The following LDB1 variants were observed in gnomAD, a reference collection of about 807,000 sequenced individuals.
LDB1 encodes LIM domain binding 1.
Under a neutral mutation model 49.7 loss-of-function variants are expected in LDB1, and 6 were observed. The ratio of observed to expected loss-of-function variants is 0.12; its 90% confidence interval spans 0.07 to 0.24. LDB1 has a LOEUF of 0.24. Ranked by LOEUF, LDB1 falls within the 10% of genes least tolerant of loss-of-function variation. LDB1 has a pLI of 1.00. For synonymous variants in LDB1, 233 were observed against 202.0 expected, an observed-to-expected ratio of 1.15 and a Z score of -1.30; for missense variants, 341 against 561.7, an observed-to-expected ratio of 0.61 and a Z score of 3.97.
Position 102,109,902 on chromosome 10 carries a change from G to T in LDB1, c.648+19C>A. 6.2e-7 allele frequency: 1 copy of T among 1,604,586 alleles called. No homozygotes were observed. ...CGCCTGCCTTCACTCTTGCATCCTG[G>T]GTCCTGCCCACGACTCACATGCATG... is the stretch of plus-strand genomic sequence containing the variant. On this transcript the variant is annotated intron_variant, in intron 7 of 10. Coordinates refer to ENST00000673968, the MANE Select transcript of LDB1 (RefSeq NM_001113407.3). The surrounding 1 kb of genome is among the most constrained non-coding windows in gnomAD (Gnocchi z 5.8).
intron 1 of LDB1, among the ~76,000 whole-genome samples, chr10:102,115,819 A>C (rs2068329293): frequency 6.6e-6 from 1 of 152,010 alleles, no homozygotes. Flanking sequence ...TTTTTTCCTA[A>C]GGTAATTTTG....
Position 102,106,541 on chromosome 10 carries a change from C to CAAAAAAAAAAAAAAAAAAAA in LDB1, c.*1532_*1551dup, listed in dbSNP as rs558516308. On this transcript the variant is annotated 3_prime_UTR_variant, in exon 11 of 11. Transcript: ENST00000673968. ...GGTACCATACATGACTCAAATGGCC[C>CAAAAAAAAAAAAAAAAAAAA]AAAAAAAAAAAAAAAAAAAAAAAAA... is the stretch of plus-strand genomic sequence containing the variant. Among the ~76,000 whole-genome samples the CAAAAAAAAAAAAAAAAAAAA allele has an allele frequency of 5.6e-5, 1 of 17,784 alleles. No individual in the cohort carries two copies. 11.7% of individuals were successfully genotyped at this position (17,784 alleles called of 152,430 possible). A position where few individuals can be genotyped will look rare whatever the true frequency, so the allele number is the denominator to read the frequency against.
intron 6 of LDB1, 28 bp downstream of exon 6, chr10:102,110,501 G>C: frequency 6.3e-7 from 1 of 1,595,862 alleles, no homozygotes; most frequent in Non-Finnish European, 8.5e-7. Flanking sequence ...AGGTGCCATG[G>C]TGTTCCACAT....
chr10:102,106,031 C>T (rs1319114771), downstream of LDB1, among the ~76,000 whole-genome samples: 1 of 152,006 alleles, frequency 6.6e-6, no homozygotes, highest in Non-Finnish European at 1.5e-5. Flanking sequence ...AGACTGGGGG[C>T]TGGGTAGGGG....
intron 1 of LDB1, among the ~76,000 whole-genome samples, chr10:102,116,912 CAGGCAGT>C (rs1316733443): frequency 6.6e-6 from 1 of 151,606 alleles, no homozygotes; most frequent in Non-Finnish European, 1.5e-5. Context: ...AGTGCATTCA[CAGGCAGT>C]ACCTCAAGAG....
At position 102,109,566 on chromosome 10, in the gene LDB1, G is replaced by A. The variant is rs1031375039; in HGVS notation, c.732+34C>T. 1.2e-6 allele frequency: 2 copies of A among 1,614,042 alleles called. No homozygotes were observed. Among genetic ancestry groups the A allele is most frequent in the Non-Finnish European group, 1.7e-6 (2 of 1,179,936 alleles). ...ACAGACATGGAGCCGAGACTAAATG[G>A]ACTGGGGCAGAAACTGGGTGGTCGG... On this transcript the variant is annotated intron_variant, in intron 8 of 10. Coordinates refer to ENST00000673968, the MANE Select transcript of LDB1 (RefSeq NM_001113407.3). This position sits in a 1 kb window ranked among gnomAD's most constrained non-coding sequence, Gnocchi z 5.8.
intron 1 of LDB1, among the ~76,000 whole-genome samples, chr10:102,119,716 A>G (rs1327115109): frequency 1.5e-5 from 2 of 136,174 alleles, no homozygotes; most frequent in African/African-American, 5.4e-5. Flanking sequence ...GGCAGCCCAA[A>G]CCAGCCAATC....
In LDB1 at chr10:102,111,520, T is replaced by C; in HGVS notation, c.42A>G (p.Ser14=). Residue 14 remains serine, a synonymous_variant, in exon 2 of 11, where the codon TCA becomes TCG. Transcript: ENST00000673968. ...GCACPGCSSK[S]FKLYSPKEPP... ...GCTCCTTCGGCGAGTACAGCTTGAA[T>C]GACTTTGAGGAACAACCTAGACGAG... is the stretch of plus-strand genomic sequence containing the variant. 1 of 1,536,120 alleles carries C rather than the reference T, an allele frequency of 6.5e-7. No individual in the cohort carries two copies. The highest frequency in any genetic ancestry group is 1.4e-5 in the African/African-American group (1 of 72,296).
At position 102,109,226 on chromosome 10, in the gene LDB1, A is replaced by G. The variant is rs2068214450; in HGVS notation, c.857-49T>C. On this transcript the variant is annotated intron_variant, in intron 9 of 10. Transcript: ENST00000673968. The surrounding 1 kb of genome is among the most constrained non-coding windows in gnomAD (Gnocchi z 5.8). ...GATGGGAGAGGGCCCCAGGTCCCCTATTCTCCATTGTGGCTCCCAAGGAGC... is the reference window on the plus strand; with the variant it reads ...GATGGGAGAGGGCCCCAGGTCCCCTGTTCTCCATTGTGGCTCCCAAGGAGC... 3.7e-6 allele frequency: 6 copies of G among 1,611,254 alleles called. No homozygotes were observed. Among genetic ancestry groups the G allele is most frequent in the Non-Finnish European group, 5.1e-6 (6 of 1,179,374 alleles).
intron 1 of LDB1, among the ~76,000 whole-genome samples, chr10:102,115,768 C>T (rs1254640784): frequency 6.6e-6 from 1 of 152,180 alleles, no homozygotes; most frequent in East Asian, 1.9e-4. Flanking sequence ...GACCTGTTCT[C>T]CCATCCAGCA....
intron 1 of LDB1, chr10:102,114,574 A>C: frequency 1.0e-5 from 10 of 984,804 alleles, no homozygotes; most frequent in Non-Finnish European, 1.2e-5. Flanking sequence ...AAAGACTCGC[A>C]CGCACTGCCT....
At chr10:102,104,439 C>T (rs754225779), downstream of LDB1, among the ~76,000 whole-genome samples, 2 of 152,144 alleles carry the variant, frequency 1.3e-5, no homozygotes, top group Non-Finnish European at 2.9e-5. Context: ...CAAAGCTCTT[C>T]AGCAATGTGC....
chr10:102,104,338 A>G (rs568347160), downstream of LDB1, among the ~76,000 whole-genome samples: 1 of 152,308 alleles, frequency 6.6e-6, no homozygotes, highest in Non-Finnish European at 1.5e-5. Context: ...ATACGTAAAC[A>G]TATGCGTATA....
Position 102,109,936 on chromosome 10 carries a change from G to C in LDB1, c.633C>G (p.Ser211Arg). ...CACGACTCACATGCATGGCAAGGAT[G>C]CTGCGGGGGATGAGCTCTCGGTGCT... Reference protein sequence around the residue: ...IRQHRELIPRSILAMHAQDPQ... With the variant: ...IRQHRELIPRRILAMHAQDPQ... Residue 211 changes from serine to arginine, a missense_variant, in exon 7 of 11, where the codon AGC becomes AGG. This residue lies in a region of LDB1 where 233 missense variants were observed against 385.7 expected (regional missense o/e 0.60). Coordinates refer to ENST00000673968, the MANE Select transcript of LDB1 (RefSeq NM_001113407.3). This position sits in a 1 kb window ranked among gnomAD's most constrained non-coding sequence, Gnocchi z 5.8. The C allele has an allele frequency of 6.2e-7, 1 of 1,609,950 alleles. No homozygotes were observed. The highest frequency in any genetic ancestry group is 1.1e-5 in the South Asian group (1 of 91,048).
At position 102,113,037 on chromosome 10, in the gene LDB1, ACT is replaced by A. The variant is rs559731592; in HGVS notation, c.26-1503_26-1502del. 1.8e-3 allele frequency among the ~76,000 whole-genome samples: 273 copies of A among 152,084 alleles called. 2 individuals are homozygous for A. Among genetic ancestry groups the A allele is most frequent in the African/African-American group, 6.2e-3 (257 of 41,474 alleles). ...ACATTTGCTTCCTTGGGTCCCTAAA[ACT>A]CGACTGCATTTGGAAGGGTAGCTAG... On this transcript the variant is annotated intron_variant, in intron 1 of 10. Coordinates refer to ENST00000673968, the MANE Select transcript of LDB1 (RefSeq NM_001113407.3).
chr10:102,103,459 GCCTC>G (rs2068133778), downstream of LDB1, among the ~76,000 whole-genome samples: 1 of 151,844 alleles, frequency 6.6e-6, no homozygotes, highest in Non-Finnish European at 1.5e-5. Context: ...TCCCACCTCA[GCCTC>G]CCAAGTAGCT....
In LDB1 at chr10:102,109,061, C is replaced by T; in HGVS notation, c.973G>A (p.Ala325Thr). 6.2e-7 allele frequency: 1 copy of T among 1,614,228 alleles called. No individual in the cohort carries two copies. The highest frequency in any genetic ancestry group is 8.5e-7 in the Non-Finnish European group (1 of 1,180,044). ...TGGCTGGAGAGGGCGAAGGTGCTAG[C>T]TGGGCTCTTCTTCTTGCTGTTGCTG... ...NNSNSKKKSPASTFALSSQVP... is the reference protein window; with the variant it reads ...NNSNSKKKSPTSTFALSSQVP... Residue 325 changes from alanine (A) to threonine (T), a missense_variant, in exon 10 of 11, where the codon GCT becomes ACT. Around this residue, in one of 5 missense-constraint regions of LDB1, gnomAD observed 233 missense variants for 385.7 expected, o/e 0.60. Coordinates refer to ENST00000673968, the MANE Select transcript of LDB1 (RefSeq NM_001113407.3). This position sits in a 1 kb window ranked among gnomAD's most constrained non-coding sequence, Gnocchi z 5.8.
intron 1 of LDB1, chr10:102,114,894 A>T: frequency 4.1e-6 from 4 of 964,994 alleles, no homozygotes; most frequent in Non-Finnish European, 4.9e-6. Flanking sequence ...ACTCACTCAC[A>T]CTCGCACACT....
At chr10:102,119,201 G>A (rs2068372237) in intron 1 of LDB1, among the ~76,000 whole-genome samples, 1 of 152,100 alleles carries the variant, frequency 6.6e-6, no homozygotes. Context: ...GAGTCCCGGG[G>A]ATGGAGACAG....
Sources: gnomAD v4.1 joint callset for allele counts (sites outside exome capture counted in the v4.1 genomes callset) on GRCh38, gnomAD v4.1.1 for gene constraint, gnomAD v4.1.1 regional missense constraint, Gnocchi (gnomAD v3.1) non-coding constraint, MANE v1.5 for transcripts, NCBI Gene and HGNC (gene_info 2026-07-23, HGNC 2026-07-21) for gene names.